The following RASSF8 variants were observed in gnomAD, a reference collection of about 807,000 sequenced individuals.
The protein encoded by RASSF8 is Ras association domain family member 8.
RASSF8 carries 22 observed loss-of-function variants against 48.5 expected under a neutral mutation model. The observed-to-expected ratio is 0.45, with a 90% CI of 0.32 to 0.65. RASSF8 has a LOEUF of 0.65. Among genes scored for constraint, RASSF8 ranks in the 30% least tolerant of loss-of-function variants. RASSF8 has a pLI of 0.03. For missense variants in RASSF8, 418 were observed against 489.2 expected, an observed-to-expected ratio of 0.85 and a Z score of 1.37; for synonymous variants, 127 against 171.5, an observed-to-expected ratio of 0.74 and a Z score of 2.03.
chr12:26,058,366 A>G (rs1943657032), intron 3 of RASSF8, among the ~76,000 whole-genome samples: 1 of 152,198 alleles, frequency 6.6e-6, no homozygotes, highest in Non-Finnish European at 1.5e-5. Flanking sequence ...CAGAACTTCC[A>G]AGGCCTAACA....
chr12:25,994,755 A>G (rs1942093357), intron 1 of RASSF8, among the ~76,000 whole-genome samples: 1 of 152,222 alleles, frequency 6.6e-6, no homozygotes, highest in Non-Finnish European at 1.5e-5. Flanking sequence ...CTAGAACTCC[A>G]TAGGCCAATC....
downstream of RASSF8, among the ~76,000 whole-genome samples, chr12:26,073,787 ACACAT>A (rs1156462865): frequency 2.1e-5 from 1 of 48,534 alleles, no homozygotes; most frequent in Non-Finnish European, 4.1e-5. Context: ...ATATATATAT[ACACAT>A]TATGTATACA....
intron 1 of RASSF8, among the ~76,000 whole-genome samples, chr12:25,982,383 T>C (rs1028358283): frequency 2.0e-5 from 3 of 152,226 alleles, no homozygotes; most frequent in Non-Finnish European, 2.9e-5. Context: ...ATAATGGTTT[T>C]AGTTGAACAG....
At chr12:26,029,836 T>A (rs1272717421) in intron 2 of RASSF8, among the ~76,000 whole-genome samples, 1 of 152,186 alleles carries the variant, frequency 6.6e-6, no homozygotes, top group Non-Finnish European at 1.5e-5. Flanking sequence ...TGGCTACTAT[T>A]TATCTTTGAA....
At chr12:26,067,544 TA>T in intron 4 of RASSF8, 24 bp from the exon 5 acceptor site, 1 of 1,582,564 alleles carries the variant, frequency 6.3e-7, no homozygotes. Flanking sequence ...TCCTCAAATT[TA>T]AAAAAATAAT....
At chr12:26,008,692 G>T (rs1942452526) in intron 2 of RASSF8, among the ~76,000 whole-genome samples, 1 of 152,066 alleles carries the variant, frequency 6.6e-6, no homozygotes, top group South Asian at 2.1e-4. Flanking sequence ...ATGTCATATG[G>T]GTGGCTTGAC....
chr12:26,079,670 T>C (rs1232739963), exon 6 of RASSF8: 3 of 152,044 alleles, frequency 2.0e-5, no homozygotes, highest in Non-Finnish European at 2.9e-5. Context: ...TCAACATCAC[T>C]GATCAGCAGG....
At chr12:26,060,439 A>T (rs1312965397) in intron 3 of RASSF8, among the ~76,000 whole-genome samples, 1 of 152,204 alleles carries the variant, frequency 6.6e-6, no homozygotes, top group Admixed American at 6.5e-5. Context: ...TAGTATAGTA[A>T]AAAAATAACT....
At position 26,068,961 on chromosome 12, in the gene RASSF8, G is replaced by GC. The variant is rs1361869737; in HGVS notation, c.*145dup. 8 of 1,423,596 alleles carry GC rather than the reference G, an allele frequency of 5.6e-6. No homozygotes were observed. The African/African-American group carries it at 1.2e-4, about 20-fold the overall frequency. 88.2% of individuals were successfully genotyped at this position (1,423,596 alleles called of 1,614,324 possible). On this transcript the variant is annotated 3_prime_UTR_variant, in exon 6 of 6. Transcript: ENST00000689635. ...TCTCCTAAATTGCATACCACTTGGA[G>GC]CCATACCCTGTGCACTGATGCTAAA...
intron 1 of RASSF8, among the ~76,000 whole-genome samples, chr12:25,972,695 C>T (rs1333190526): frequency 6.6e-6 from 1 of 152,120 alleles, no homozygotes; most frequent in Non-Finnish European, 1.5e-5. Flanking sequence ...AAGGAAAAAA[C>T]ACCAGAATGA....
chr12:26,048,244 T>G (rs564437248), intron 2 of RASSF8, among the ~76,000 whole-genome samples: 38 of 152,350 alleles, frequency 2.5e-4, no homozygotes, highest in African/African-American at 8.7e-4. Flanking sequence ...ACCTTTTACA[T>G]GCCTGGAGAA....
intron 1 of RASSF8, among the ~76,000 whole-genome samples, chr12:25,963,156 G>T (rs1004524401): frequency 4.6e-5 from 7 of 152,184 alleles, no homozygotes; most frequent in Admixed American, 6.5e-5. Flanking sequence ...AGAGTTCTAA[G>T]GATGCTCAGT....
intron 1 of RASSF8, among the ~76,000 whole-genome samples, chr12:25,972,236 A>G (rs1470853987): frequency 6.6e-6 from 1 of 152,240 alleles, no homozygotes; most frequent in East Asian, 1.9e-4. Flanking sequence ...ACTTCAACAA[A>G]TAGTAAGTAC....
Position 26,055,378 on chromosome 12 carries a change from G to A in RASSF8, c.35G>A (p.Arg12Lys), listed in dbSNP as rs775526124. Residue 12 changes from arginine to lysine, a missense_variant, in exon 3 of 6, where the codon AGG (arginine) becomes AAG (lysine). By Grantham distance (26) the Arg-to-Lys change is conservative. Transcript: ENST00000689635. The stretch of plus-strand genomic sequence containing the variant: ...AAAGTATGGGTGGATGGAGTTCAGA[G>A]GATTGTTTGTGGAGTCACTGAAGTC... ...ELKVWVDGVQ[R>K]IVCGVTEVTT... 2 of 1,614,116 alleles carry A rather than the reference G, an allele frequency of 1.2e-6. No homozygotes were observed. Among genetic ancestry groups the A allele is most frequent in the South Asian group, 1.1e-5 (1 of 91,082 alleles).
intron 2 of RASSF8, among the ~76,000 whole-genome samples, chr12:26,036,932 A>C (rs1943165062): frequency 6.6e-6 from 1 of 151,500 alleles, no homozygotes; most frequent in South Asian, 2.1e-4. Context: ...ATAAAAAAAA[A>C]ACAAAAAACT....
intron 2 of RASSF8, among the ~76,000 whole-genome samples, chr12:26,038,650 C>T (rs1314100685): frequency 7.5e-6 from 1 of 133,280 alleles, no homozygotes; most frequent in Non-Finnish European, 1.7e-5. Context: ...CACACACACA[C>T]ACACACTTTT....
chr12:25,973,925 C>T (rs1341226998), intron 1 of RASSF8: 1 of 152,060 alleles, frequency 6.6e-6, no homozygotes, highest in South Asian at 2.1e-4. Context: ...TTAAAGCAGC[C>T]CAAATGGAGT....
At chr12:26,067,806 C>G (rs1943912778) in intron 5 of RASSF8, 93 bp downstream of exon 5, 1 of 1,509,294 alleles carries the variant, frequency 6.6e-7, no homozygotes, top group South Asian at 1.2e-5. Flanking sequence ...ACTGTATCGC[C>G]CAGGCTGGAA....
At chr12:26,018,459 AC>A (rs1942705261) in intron 2 of RASSF8, among the ~76,000 whole-genome samples, 1 of 152,202 alleles carries the variant, frequency 6.6e-6, no homozygotes, top group South Asian at 2.1e-4. Context: ...TACTAAAAAA[AC>A]TAAACTAAAA....
Sources: gnomAD v4.1 joint callset for allele counts (sites outside exome capture counted in the v4.1 genomes callset) on GRCh38, gnomAD v4.1.1 for gene constraint, MANE v1.5 for transcripts, NCBI Gene and HGNC (gene_info 2026-07-23, HGNC 2026-07-21) for gene names.